CIBAR2: variants seen among roughly 807,000 people sequenced by gnomAD.
The protein encoded by CIBAR2 is CBY1-interacting BAR domain-containing protein 2.
In CIBAR2, 38 loss-of-function variants were observed where a neutral mutation model predicts 36.2. The observed-to-expected ratio is 1.05, with a 90% confidence interval of 0.81 to 1.38. The LOEUF (loss-of-function observed/expected upper bound fraction) is 1.38. CIBAR2 is among the 40% of genes most tolerant of loss of function. The pLI, the probability that CIBAR2 is intolerant of heterozygous loss-of-function variation, is 0.00. For missense variants in CIBAR2, 481 were observed against 383.4 expected, an observed-to-expected ratio of 1.25 and a Z score of -2.13; for synonymous variants, 182 against 149.5, an observed-to-expected ratio of 1.22 and a Z score of -1.58.
At chr16:85,105,239 AGCATGCACACAGACACGTGTACACACGT>A (rs1468697855) in intron 6 of CIBAR2, 60 bp downstream of exon 6, 7 of 784,410 alleles carry the variant, frequency 8.9e-6, no homozygotes, top group Non-Finnish European at 1.5e-5. Flanking sequence ...CTCATGCTGA[AGCATGCACACAGACACGTGTACACACGT>A]GCATGCACAC....
Position 85,102,260 on chromosome 16 carries a change from C to G in CIBAR2, c.605G>C (p.Ser202Thr). The change falls in exon 7 of 9, where the codon AGC becomes ACC. Residue 202 changes from serine (S) to threonine (T), a missense_variant. Physicochemically the swap from Ser to Thr is moderately conservative, Grantham distance 58. Coordinates refer to ENST00000539556, the MANE Select transcript of CIBAR2 (RefSeq NM_198491.3). ...ATACTTCTCCAGGGTCTGGAAGGCG[C>G]TAGAATACACCTCCACCGCTTTGGC... ...FHAKAVEVYS[S>T]AFQTLEKYDL... 6.2e-7 allele frequency: 1 copy of G among 1,613,676 alleles called. No individual in the cohort carries two copies. The highest frequency in any genetic ancestry group is 8.5e-7 in the Non-Finnish European group (1 of 1,179,624).
chr16:85,112,254 C>T, intron 1 of CIBAR2, 79 bp downstream of exon 1: 2 of 1,352,770 alleles, frequency 1.5e-6, no homozygotes, highest in Non-Finnish European at 2.1e-6. Context: ...GCCCTGCTGC[C>T]CTCATCTTTG....
Position 85,112,413 on chromosome 16 carries a change from G to GTC in CIBAR2, c.-62_-61insGA. 6.4e-7 allele frequency: 1 copy of GTC among 1,552,168 alleles called. No individual in the cohort carries two copies. Among genetic ancestry groups the GTC allele is most frequent in the Non-Finnish European group, 8.9e-7 (1 of 1,124,116 alleles). ...ATAAGGACAGGGCCCCAGGGGTCCT[G>GTC]CAGGCCTGGGAGGAGCCGGGCAGGG... On this transcript the variant is annotated 5_prime_UTR_variant, in exon 1 of 9. Coordinates refer to ENST00000539556, the MANE Select transcript of CIBAR2 (RefSeq NM_198491.3).
At chr16:85,101,280 A>G (rs956418128) in intron 7 of CIBAR2, among the ~76,000 whole-genome samples, 1 of 151,754 alleles carries the variant, frequency 6.6e-6, no homozygotes, top group African/African-American at 2.4e-5. Flanking sequence ...GTAATTGTTG[A>G]TACGCCCCAC....
Position 85,099,240 on chromosome 16 carries a change from G to GC in CIBAR2, c.859dup (p.Ala287GlyfsTer22). On this transcript the variant is annotated frameshift_variant, in exon 9 of 9. Transcript: ENST00000539556. LOFTEE classifies it high-confidence loss of function. The stretch of plus-strand genomic sequence containing the variant: ...CCCACCCTGCCCACACACACAGTGG[G>GC]CTGGCTGCCCCTTAACCACCCACTC... 6.2e-7 allele frequency: 1 copy of GC among 1,611,790 alleles called. No individual in the cohort carries two copies. Among genetic ancestry groups the GC allele is most frequent in the South Asian group, 1.1e-5 (1 of 90,786 alleles).
At chr16:85,108,832 G>A (rs955959201) in intron 2 of CIBAR2, among the ~76,000 whole-genome samples, 7 of 152,176 alleles carry the variant, frequency 4.6e-5, no homozygotes, top group African/African-American at 1.7e-4. Context: ...CTGAGATTGC[G>A]ACACTTCACT....
intron 5 of CIBAR2, among the ~76,000 whole-genome samples, chr16:85,107,284 G>A (rs1418620370): frequency 6.6e-6 from 1 of 152,162 alleles, no homozygotes; most frequent in African/African-American, 2.4e-5. Context: ...CCACGGGGCA[G>A]GACAGTAAGA....
At position 85,098,664 on chromosome 16, in the gene CIBAR2, T is replaced by A. The variant is rs900678135; in HGVS notation, c.*521A>T. ...CCTCCCCTTCTTTTCCTGGGCTCCA[T>A]ATGGTGCTCTGAGCACTCTAAATAA... On this transcript the variant is annotated 3_prime_UTR_variant, in exon 9 of 9. Coordinates refer to ENST00000539556, the MANE Select transcript of CIBAR2 (RefSeq NM_198491.3). 4 of 982,836 alleles carry A rather than the reference T, an allele frequency of 4.1e-6. No individual in the cohort carries two copies. In the African/African-American group the frequency reaches 7.0e-5, roughly 17 times the overall value. 60.9% of individuals were successfully genotyped at this position (982,836 alleles called of 1,614,324 possible).
chr16:85,099,368 T>G (rs539711201), intron 8 of CIBAR2, 22 bp from the exon 9 acceptor site: 1 of 1,323,422 alleles, frequency 7.6e-7, no homozygotes, highest in South Asian at 1.2e-5. Flanking sequence ...TAAATGCACC[T>G]GATGGCAGGC....
Position 85,110,454 on chromosome 16 carries a change from G to A in CIBAR2, c.27C>T (p.Ser9=), listed in dbSNP as rs776922191. The change falls in exon 2 of 9, where the codon AGC becomes AGT. Residue 9 remains serine (S), a synonymous_variant. Transcript: ENST00000539556. ...CGGTATTCTCCATCACCCTCACCTG[G>A]CTGTCCCTGTGGAGGCGGGGACCTG... MNIVFSRD[S]QVRVMENTVA... 3 of 1,594,550 alleles carry A rather than the reference G, an allele frequency of 1.9e-6. No individual in the cohort carries two copies. The Admixed American group carries it at 5.2e-5, about 28-fold the overall frequency.
Position 85,110,294 on chromosome 16 carries a change from C to T in CIBAR2, c.187G>A (p.Glu63Lys), listed in dbSNP as rs750472893. The T allele has an allele frequency of 5.3e-5, 85 of 1,610,678 alleles. No individual in the cohort carries two copies. The highest frequency in any genetic ancestry group is 6.5e-5 in the Non-Finnish European group (76 of 1,177,928). Residue 63 changes from glutamate (E) to lysine (K), a missense_variant, in exon 2 of 9, where the codon GAG (glutamate) becomes AAG (lysine). Physicochemically the swap from Glu to Lys is moderately conservative, Grantham distance 56. Transcript: ENST00000539556. ...AAGCCCCTCATGGTGGCCCGCAGCT[C>T]GGGGTTCTCGGAGTTGGCAAAGTCG... Reference protein sequence around the residue: ...LIDFANSENPELRATMRGFAE... With the variant: ...LIDFANSENPKLRATMRGFAE...
At chr16:85,106,799 G>A (rs2073999302) in intron 5 of CIBAR2, among the ~76,000 whole-genome samples, 1 of 152,166 alleles carries the variant, frequency 6.6e-6, no homozygotes, top group Admixed American at 6.5e-5. Flanking sequence ...CTCCAATCCT[G>A]AGCCAGAAAC....
At chr16:85,104,495 G>T (rs2073980055) in intron 6 of CIBAR2, among the ~76,000 whole-genome samples, 1 of 152,158 alleles carries the variant, frequency 6.6e-6, no homozygotes, top group Non-Finnish European at 1.5e-5. Context: ...ATCAATTGAG[G>T]TCAGGCGTTC....
chr16:85,107,957 A>G lies in CIBAR2; in HGVS notation c.325-10T>C, dbSNP rs368660479. ...ATTTCTTGATCTCAGCCTGCAGAAAAGGAGGAGGGTTGTTTCCTGGGATCC... is the reference window on the plus strand; with the variant it reads ...ATTTCTTGATCTCAGCCTGCAGAAAGGGAGGAGGGTTGTTTCCTGGGATCC... On this transcript the variant is annotated splice_polypyrimidine_tract_variant and intron_variant, in intron 3 of 8. Coordinates refer to ENST00000539556, the MANE Select transcript of CIBAR2 (RefSeq NM_198491.3). 1.5e-4 allele frequency: 248 copies of G among 1,613,768 alleles called. No homozygotes were observed. Among genetic ancestry groups the G allele is most frequent in the Non-Finnish European group, 1.9e-4 (219 of 1,179,766 alleles).
intron 5 of CIBAR2, among the ~76,000 whole-genome samples, chr16:85,106,106 A>G (rs2073994021): frequency 6.6e-6 from 1 of 152,340 alleles, no homozygotes; most frequent in African/African-American, 2.4e-5. Context: ...AAGAAGGGAA[A>G]GCTGTTGTCA....
chr16:85,105,732 G>T (rs1359399795), intron 5 of CIBAR2, among the ~76,000 whole-genome samples: 1 of 152,112 alleles, frequency 6.6e-6, no homozygotes, highest in East Asian at 1.9e-4. Flanking sequence ...TGCTTAGCAG[G>T]GCTGTTGTAG....
At chr16:85,104,136 T>C (rs1467537680) in intron 6 of CIBAR2, among the ~76,000 whole-genome samples, 1 of 152,248 alleles carries the variant, frequency 6.6e-6, no homozygotes, top group East Asian at 1.9e-4. Flanking sequence ...ACAAGGGGCC[T>C]GACCAGTCTT....
At position 85,110,682 on chromosome 16, in the gene CIBAR2, C is replaced by T. The variant is rs1044000127; in HGVS notation, c.21-222G>A. On this transcript the variant is annotated intron_variant, in intron 1 of 8. Coordinates refer to ENST00000539556, the MANE Select transcript of CIBAR2 (RefSeq NM_198491.3). ...TCAGTAGTGGGCAGGAATATAAATGCGGGCTTGGCTGCAGACCTGGCCTTT... is the reference window on the plus strand; with the variant it reads ...TCAGTAGTGGGCAGGAATATAAATGTGGGCTTGGCTGCAGACCTGGCCTTT... Among the ~76,000 whole-genome samples, 6 of 143,534 alleles carry T rather than the reference C, an allele frequency of 4.2e-5. No homozygotes were observed. In the East Asian group the frequency reaches 9.9e-4, roughly 24 times the overall value. 94.2% of individuals were successfully genotyped at this position (143,534 alleles called of 152,430 possible). A position where few individuals can be genotyped will look rare whatever the true frequency, so the allele number is the denominator to read the frequency against.
chr16:85,104,476 G>A (rs1426447300), intron 6 of CIBAR2, among the ~76,000 whole-genome samples: 1 of 152,204 alleles, frequency 6.6e-6, no homozygotes. Flanking sequence ...AGGAGGCCAA[G>A]GTGGGTGGAT....
Sources: gnomAD v4.1 joint callset for allele counts (sites outside exome capture counted in the v4.1 genomes callset) on GRCh38, gnomAD v4.1.1 for gene constraint, MANE v1.5 for transcripts, NCBI Gene and HGNC (gene_info 2026-07-23, HGNC 2026-07-21) for gene names.